Variants in EPHA6 observed in about 807,000 individuals in gnomAD.
EPHA6 encodes the protein EPH receptor A6, also known as ephrin type-A receptor 6.
In EPHA6, 50 loss-of-function variants were observed where a neutral mutation model predicts 112.0. The observed-to-expected ratio is 0.45, with a 90% CI of 0.36 to 0.56. EPHA6 has a LOEUF of 0.56. Ranked by LOEUF, EPHA6 falls within the 20% of genes least tolerant of loss-of-function variation. EPHA6 has a pLI of 0.00. For synonymous variants in EPHA6, 529 were observed against 490.7 expected (o/e 1.08, Z -1.03); for missense variants, 1,280 against 1,417.4 (o/e 0.90, Z 1.56).
At chr3:97,030,020 C>T (rs1028290852) in intron 3 of EPHA6, among the ~76,000 whole-genome samples, 5 of 151,950 alleles carry the variant, frequency 3.3e-5, no homozygotes, top group African/African-American at 1.2e-4. Context: ...TAGAATGATC[C>T]AGAAGGATAA....
At chr3:97,714,079 C>A (rs765898447) in intron 14 of EPHA6, among the ~76,000 whole-genome samples, 13 of 152,162 alleles carry the variant, frequency 8.5e-5, no homozygotes, top group Non-Finnish European at 1.8e-4. Flanking sequence ...CTCCTAAAAT[C>A]TGCTGTTTGA....
At chr3:97,064,517 T>C (rs1016109898) in intron 3 of EPHA6, among the ~76,000 whole-genome samples, 93 of 152,282 alleles carry the variant, frequency 6.1e-4, no homozygotes, top group Non-Finnish European at 2.4e-4. Context: ...CAGAGACTAT[T>C]TTTGTTCTCT....
chr3:96,885,899 C>T (rs1041162274), intron 2 of EPHA6, among the ~76,000 whole-genome samples: 2 of 152,058 alleles, frequency 1.3e-5, no homozygotes, highest in Non-Finnish European at 2.9e-5. Context: ...CTTGCTGTAT[C>T]CCAGAGGTGT....
chr3:97,012,603 GTGTGTA>G (rs1174890859), intron 3 of EPHA6, among the ~76,000 whole-genome samples: 2 of 140,364 alleles, frequency 1.4e-5, no homozygotes, highest in Non-Finnish European at 1.5e-5. Context: ...GTGTGTGTGT[GTGTGTA>G]TATATATATA....
chr3:97,045,419 C>T (rs2045471321), intron 3 of EPHA6, among the ~76,000 whole-genome samples: 1 of 151,936 alleles, frequency 6.6e-6, no homozygotes, highest in South Asian at 2.1e-4. Flanking sequence ...GTAATCAACA[C>T]TTATCTGACA....
intron 3 of EPHA6, among the ~76,000 whole-genome samples, chr3:97,220,766 C>CT (rs1428540320): frequency 1.3e-5 from 2 of 152,108 alleles, no homozygotes; most frequent in Non-Finnish European, 2.9e-5. Flanking sequence ...GACACAAAGC[C>CT]TAACCAAATC....
chr3:97,652,609 C>G (rs909024739), intron 14 of EPHA6, among the ~76,000 whole-genome samples: 2 of 151,964 alleles, frequency 1.3e-5, no homozygotes, highest in Non-Finnish European at 2.9e-5. Flanking sequence ...CTAGTACTGG[C>G]CCTTTCACTT....
intron 3 of EPHA6, among the ~76,000 whole-genome samples, chr3:97,068,939 A>G (rs544624733): frequency 2.2e-4 from 34 of 152,266 alleles, no homozygotes; most frequent in African/African-American, 7.7e-4. Context: ...TCTGTTGTTT[A>G]TAAGCCACCC....
intron 5 of EPHA6, among the ~76,000 whole-genome samples, chr3:97,367,736 C>T (rs2084819959): frequency 6.6e-6 from 1 of 151,936 alleles, no homozygotes; most frequent in African/African-American, 2.4e-5. Context: ...GGTATACTTC[C>T]TCTTAGGAAG....
In EPHA6 at chr3:96,814,818, G is replaced by A. The variant is rs369544884; in HGVS notation, c.195G>A (p.Val65=). Residue 65 remains valine, a synonymous_variant, in exon 1 of 18, where the codon GTG becomes GTA. Coordinates refer to ENST00000389672, the MANE Select transcript of EPHA6 (RefSeq NM_001080448.3). The part of the protein sequence containing the change: ...EEEEEEEEED[V]DKDPHPTQNT... ...AAGAGGAGGAGGAGGAAGAAGACGT[G>A]GACAAGGACCCCCATCCTACCCAGA... The A allele has an allele frequency of 7.6e-5, 121 of 1,594,264 alleles. No homozygotes were observed. The highest frequency in any genetic ancestry group is 9.4e-5 in the Non-Finnish European group (110 of 1,169,654).
rs529253968 is a variant in EPHA6 at position 96,814,856 on chromosome 3, G to T, written c.233G>T (p.Arg78Leu). The change falls in exon 1 of 18, where the codon CGC becomes CTC. Residue 78 changes from arginine to leucine, a missense_variant. Physicochemically the swap from Arg to Leu is moderately radical, Grantham distance 102 (BLOSUM62 -2). Transcript: ENST00000389672. ...DPHPTQNTCL[R>L]CRHFSLRERK... ...CATCCTACCCAGAACACCTGCCTGCGCTGCCGCCACTTCTCTTTAAGGGAG... is the reference window on the plus strand; with the variant it reads ...CATCCTACCCAGAACACCTGCCTGCTCTGCCGCCACTTCTCTTTAAGGGAG... The T allele has an allele frequency of 6.4e-7, 1 of 1,562,136 alleles. No individual in the cohort carries two copies. Among genetic ancestry groups the T allele is most frequent in the African/African-American group, 1.4e-5 (1 of 73,388 alleles).
rs75244701 is a variant in EPHA6, at chr3:97,629,255, G to A, written c.2575-8618G>A. Among the ~76,000 whole-genome samples the A allele has an allele frequency of 2.5e-3, 381 of 152,054 alleles. 3 individuals carry two copies. Among genetic ancestry groups the A allele is most frequent in the African/African-American group, 9.0e-3 (373 of 41,516 alleles). ...CTGTTTTTAAGCCATAAAAACTATA[G>A]TTGAAACACACCTTAATTACATTTT... On this transcript the variant is annotated intron_variant, in intron 13 of 17. Transcript: ENST00000389672.
intron 11 of EPHA6, among the ~76,000 whole-genome samples, chr3:97,538,967 T>C (rs568067287): frequency 1.3e-5 from 2 of 150,640 alleles, no homozygotes; most frequent in Admixed American, 1.3e-4. Flanking sequence ...TACTACATAC[T>C]GGACACTTTC....
chr3:97,564,504 A>C (rs935311132), intron 11 of EPHA6, among the ~76,000 whole-genome samples: 1 of 152,166 alleles, frequency 6.6e-6, no homozygotes, highest in Non-Finnish European at 1.5e-5. Flanking sequence ...TTGACAAAAT[A>C]CACATTTTAG....
chr3:97,117,168 G>C (rs959746372), intron 3 of EPHA6, among the ~76,000 whole-genome samples: 1 of 151,494 alleles, frequency 6.6e-6, no homozygotes, highest in Admixed American at 6.6e-5. Context: ...ATTTTTAATT[G>C]AGTCATTTGT....
In EPHA6 at chr3:97,077,247, A is replaced by T. The variant is rs537736625; in HGVS notation, c.1114+89254A>T. On this transcript the variant is annotated intron_variant, in intron 3 of 17. Transcript: ENST00000389672. Reference sequence around the variant, plus strand: ...AGGTGAAAATATCAACATTAATAGGAGTTGGAAGAAGTTGATTCCAACCCT... The same window carrying T: ...AGGTGAAAATATCAACATTAATAGGTGTTGGAAGAAGTTGATTCCAACCCT... 3.3e-5 allele frequency among the ~76,000 whole-genome samples: 5 copies of T among 152,252 alleles called. No homozygotes were observed. The South Asian group carries it at 1.0e-3, about 32-fold the overall frequency.
chr3:96,994,892 A>T (rs35188051), intron 3 of EPHA6, among the ~76,000 whole-genome samples: 11,287 of 151,538 alleles, frequency 0.074, 726 homozygotes, highest in Admixed American at 0.21. Flanking sequence ...ATCACTCAGT[A>T]TAACTTAACT....
At chr3:97,353,286 T>G (rs866230404) in intron 5 of EPHA6, among the ~76,000 whole-genome samples, 1 of 151,770 alleles carries the variant, frequency 6.6e-6, no homozygotes, top group Admixed American at 6.6e-5. Context: ...AAAGAAACTT[T>G]GTCTTGCAGC....
intron 2 of EPHA6, among the ~76,000 whole-genome samples, chr3:96,893,100 A>G (rs998272951): frequency 3.9e-5 from 6 of 152,108 alleles, no homozygotes; most frequent in Non-Finnish European, 7.4e-5. Flanking sequence ...CGTTGTAGCT[A>G]TCATAACATC....
Sources: gnomAD v4.1 joint callset for allele counts (sites outside exome capture counted in the v4.1 genomes callset) on GRCh38, gnomAD v4.1.1 for gene constraint, MANE v1.5 for transcripts, NCBI Gene and HGNC (gene_info 2026-07-23, HGNC 2026-07-21) for gene names.